Variants in VTI1A observed in about 807,000 individuals in gnomAD.
VTI1A encodes the protein vesicle transport through interaction with t-SNAREs 1A.
A neutral mutation model predicts 34.9 loss-of-function variants in VTI1A; 22 were observed. That is an observed-to-expected ratio of 0.63 (90% CI 0.45 to 0.90). VTI1A has a LOEUF of 0.90. VTI1A is among the 40% of genes least tolerant of loss of function. The probability of loss-of-function intolerance (pLI) is 0.00; values close to 1 mark genes in which losing one functional copy is unlikely to be tolerated. For missense variants in VTI1A, 268 were observed against 275.6 expected, an observed-to-expected ratio of 0.97 and a Z score of 0.20; for synonymous variants, 87 against 97.3, an observed-to-expected ratio of 0.89 and a Z score of 0.62.
chr10:112,648,993 A>G (rs1846906973), intron 5 of VTI1A, among the ~76,000 whole-genome samples: 1 of 151,888 alleles, frequency 6.6e-6, no homozygotes, highest in Admixed American at 6.6e-5. Flanking sequence ...TATTTGGGGT[A>G]TTTTTTTTAA....
chr10:112,679,249 T>C (rs1224938643), intron 7 of VTI1A, among the ~76,000 whole-genome samples: 5 of 152,186 alleles, frequency 3.3e-5, no homozygotes, highest in Non-Finnish European at 7.4e-5. Context: ...GAAGCCATAA[T>C]AAGAAACAAC....
intron 5 of VTI1A, among the ~76,000 whole-genome samples, chr10:112,546,062 A>ATGTGTGTATATACGTGTATACACGTG (rs1851098575): frequency 7.7e-6 from 1 of 130,114 alleles, no homozygotes; most frequent in African/African-American, 3.6e-5. Context: ...GTATACGCGT[A>ATGTGTGTATATACGTGTATACACGTG]TGTGTGTGTA....
the VTI1A span, among the ~76,000 whole-genome samples, chr10:112,828,400 AATT>A: frequency 1.3e-5 from 2 of 151,532 alleles, no homozygotes; most frequent in African/African-American, 2.4e-5. Context: ...AATGTTTTAA[AATT>A]ATTATTATTA....
At position 112,816,553 on chromosome 10, in the gene VTI1A, T is replaced by G. The variant is rs1853527422; in HGVS notation, c.*1170T>G. The G allele has an allele frequency of 4.4e-6, 1 of 225,184 alleles. No individual in the cohort carries two copies. 13.9% of individuals were successfully genotyped at this position (225,184 alleles called of 1,614,324 possible). On this transcript the variant is annotated 3_prime_UTR_variant, in exon 8 of 8. Transcript: ENST00000393077. Reference sequence around the variant, plus strand: ...TTGTGATTTTTTTCTTTCATTTCTTTCTGTCTGAGGTAACCAGGAATTGCG... The same window carrying G: ...TTGTGATTTTTTTCTTTCATTTCTTGCTGTCTGAGGTAACCAGGAATTGCG...
At chr10:112,681,628 T>C (rs990758109) in intron 7 of VTI1A, among the ~76,000 whole-genome samples, 2 of 152,228 alleles carry the variant, frequency 1.3e-5, no homozygotes, top group African/African-American at 4.8e-5. Flanking sequence ...TGTAAACAAT[T>C]ATGAAAAATC....
chr10:112,528,898 A>T (rs1008708405), intron 4 of VTI1A, among the ~76,000 whole-genome samples: 1 of 152,124 alleles, frequency 6.6e-6, no homozygotes, highest in Non-Finnish European at 1.5e-5. Flanking sequence ...CACTTCTCTT[A>T]ATGGACATTT....
intron 5 of VTI1A, among the ~76,000 whole-genome samples, chr10:112,576,717 A>G (rs966909689): frequency 5.3e-5 from 8 of 152,238 alleles, no homozygotes; most frequent in African/African-American, 1.9e-4. Context: ...TGATATTTCA[A>G]GAAGCATTCC....
chr10:112,531,774 C>T (rs1181929128), intron 4 of VTI1A, among the ~76,000 whole-genome samples: 2 of 152,100 alleles, frequency 1.3e-5, no homozygotes, highest in Non-Finnish European at 2.9e-5. Context: ...GATCGCTGGC[C>T]GATCAATTCC....
chr10:112,478,733 TTTA>T (rs1848363597), intron 3 of VTI1A, among the ~76,000 whole-genome samples: 2 of 152,096 alleles, frequency 1.3e-5, no homozygotes, highest in Admixed American at 1.3e-4. Flanking sequence ...TTTATATCAT[TTTA>T]TTATTGTATT....
At chr10:112,764,790 A>T (rs541227458) in intron 7 of VTI1A, among the ~76,000 whole-genome samples, 7 of 152,332 alleles carry the variant, frequency 4.6e-5, no homozygotes, top group African/African-American at 1.7e-4. Flanking sequence ...TTGTCAGCGC[A>T]CCACAATTTG....
At chr10:112,515,289 A>AT (rs1849738470) in intron 3 of VTI1A, among the ~76,000 whole-genome samples, 1 of 152,052 alleles carries the variant, frequency 6.6e-6, no homozygotes, top group African/African-American at 2.4e-5. Context: ...ACAGGATTCA[A>AT]CTCAAATAAA....
chr10:112,520,647 GTATA>G (rs35437904), intron 3 of VTI1A, among the ~76,000 whole-genome samples: 2,392 of 128,874 alleles, frequency 0.019, 52 homozygotes, highest in East Asian at 0.13. Context: ...GTGTGTGTGT[GTATA>G]TATATATATA....
chr10:112,838,032 T>C, the VTI1A span, among the ~76,000 whole-genome samples: 1 of 152,214 alleles, frequency 6.6e-6, no homozygotes, highest in Non-Finnish European at 1.5e-5. Context: ...AAGGCCAGGA[T>C]GCTGAAGTCA....
intron 7 of VTI1A, among the ~76,000 whole-genome samples, chr10:112,779,437 A>G (rs1852049039): frequency 1.3e-5 from 2 of 152,234 alleles, no homozygotes; most frequent in Non-Finnish European, 2.9e-5. Flanking sequence ...TACCCATAAA[A>G]TAAGTTTGTT....
chr10:112,589,316 C>T (rs945261220), intron 5 of VTI1A, among the ~76,000 whole-genome samples: 1 of 152,016 alleles, frequency 6.6e-6, no homozygotes, highest in African/African-American at 2.4e-5. Flanking sequence ...TGAATTAAGT[C>T]GCATGAGATC....
intron 7 of VTI1A, among the ~76,000 whole-genome samples, chr10:112,753,658 A>G (rs1362132904): frequency 6.6e-6 from 1 of 152,234 alleles, no homozygotes; most frequent in Non-Finnish European, 1.5e-5. Context: ...AGACTATGCA[A>G]GAGCAAAAAT....
intron 4 of VTI1A, among the ~76,000 whole-genome samples, chr10:112,532,792 A>G (rs527864535): frequency 3.3e-5 from 5 of 152,280 alleles, no homozygotes; most frequent in East Asian, 3.9e-4. Context: ...TGAAAACTGA[A>G]GAAATCATTC....
At chr10:112,484,121 A>T (rs539953542) in intron 3 of VTI1A, among the ~76,000 whole-genome samples, 1 of 152,238 alleles carries the variant, frequency 6.6e-6, no homozygotes, top group Non-Finnish European at 1.5e-5. Context: ...AGTGTGATGC[A>T]GCAGCAGGTA....
intron 7 of VTI1A, among the ~76,000 whole-genome samples, chr10:112,765,171 CT>C (rs1218116027): frequency 1.3e-5 from 2 of 151,908 alleles, no homozygotes; most frequent in African/African-American, 4.8e-5. Flanking sequence ...CAATTTCTTG[CT>C]TTGTAAATTA....
Sources: gnomAD v4.1 joint callset for allele counts (sites outside exome capture counted in the v4.1 genomes callset) on GRCh38, gnomAD v4.1.1 for gene constraint, MANE v1.5 for transcripts, NCBI Gene and HGNC (gene_info 2026-07-23, HGNC 2026-07-21) for gene names.